Variants in SLC1A6 observed in about 807,000 individuals in gnomAD.
The protein encoded by SLC1A6 is excitatory amino acid transporter 4.
In SLC1A6, 15 loss-of-function variants were observed where a neutral mutation model predicts 42.1. The ratio of observed to expected loss-of-function variants is 0.36; its 90% confidence interval spans 0.24 to 0.55. SLC1A6 has a LOEUF of 0.55. SLC1A6 is among the 20% of genes least tolerant of loss of function. The pLI, the probability that SLC1A6 is intolerant of heterozygous loss-of-function variation, is 0.88. For missense variants in SLC1A6, 542 were observed against 772.5 expected (o/e 0.70, Z 3.54); for synonymous variants, 317 against 319.7 (o/e 0.99, Z 0.09).
At chr19:15,005,684 T>TA (rs1185208671) in intron 1 of SLC1A6, among the ~76,000 whole-genome samples, 2 of 152,200 alleles carry the variant, frequency 1.3e-5, no homozygotes, top group Non-Finnish European at 2.9e-5. Context: ...TTGGTCTGAT[T>TA]AAGCAATGGT....
chr19:14,965,212 G>C (rs2045560568), intron 4 of SLC1A6, among the ~76,000 whole-genome samples: 1 of 151,918 alleles, frequency 6.6e-6, no homozygotes, highest in African/African-American at 2.4e-5. Context: ...GTAGAGACAG[G>C]GTTTCACCAT....
chr19:14,994,130 G>A (rs1041837113), intron 1 of SLC1A6, among the ~76,000 whole-genome samples: 2 of 152,146 alleles, frequency 1.3e-5, no homozygotes, highest in Non-Finnish European at 2.9e-5. Flanking sequence ...CTCCAGGGAT[G>A]TTCTCCATCT....
At chr19:14,983,493 C>T (rs1392167253), upstream of SLC1A6, among the ~76,000 whole-genome samples, 1 of 151,788 alleles carries the variant, frequency 6.6e-6, no homozygotes, top group Non-Finnish European at 1.5e-5. Flanking sequence ...TGAGACCAGC[C>T]TGAGCAACAT....
intron 1 of SLC1A6, among the ~76,000 whole-genome samples, chr19:14,998,284 T>C (rs1330740642): frequency 2.0e-5 from 3 of 152,160 alleles, no homozygotes; most frequent in Non-Finnish European, 2.9e-5. Context: ...CTCACCCCTG[T>C]AATCCCAGCA....
At chr19:14,976,461 T>C (rs1291639524) in intron 1 of SLC1A6, among the ~76,000 whole-genome samples, 2 of 152,244 alleles carry the variant, frequency 1.3e-5, no homozygotes, top group Non-Finnish European at 2.9e-5. Flanking sequence ...AAAGTGTCTT[T>C]TACAGCAACA....
At chr19:14,968,555 C>T in intron 3 of SLC1A6, 48 bp from the exon 4 acceptor site, 1 of 1,483,392 alleles carries the variant, frequency 6.7e-7, no homozygotes, top group South Asian at 1.2e-5. Context: ...ATACCCAACG[C>T]CAGCTCTCCT....
chr19:14,983,568 G>A (rs2045778282), upstream of SLC1A6, among the ~76,000 whole-genome samples: 1 of 151,780 alleles, frequency 6.6e-6, no homozygotes, highest in South Asian at 2.1e-4. Flanking sequence ...CGTGCCTGTG[G>A]TCCCAGCTAC....
intron 1 of SLC1A6, among the ~76,000 whole-genome samples, chr19:14,991,639 C>G (rs1436345151): frequency 1.4e-5 from 2 of 143,158 alleles, no homozygotes; most frequent in Non-Finnish European, 3.1e-5. Flanking sequence ...AAAAAAAAGA[C>G]AATTTTACAT....
intron 1 of SLC1A6, among the ~76,000 whole-genome samples, chr19:14,985,832 G>A (rs1328717478): frequency 6.6e-6 from 1 of 152,056 alleles, no homozygotes; most frequent in African/African-American, 2.4e-5. Context: ...GCATGGTGGT[G>A]CATACCACTC....
intron 6 of SLC1A6, among the ~76,000 whole-genome samples, chr19:14,959,344 A>T (rs1249591879): frequency 1.3e-5 from 2 of 152,250 alleles, no homozygotes; most frequent in African/African-American, 4.8e-5. Context: ...GCTCCAGCCA[A>T]TGGAGACAGA....
Position 14,979,010 on chromosome 19 carries a change from C to A in SLC1A6, c.-8+299G>T, listed in dbSNP as rs113043703. 5.0e-4 allele frequency among the ~76,000 whole-genome samples: 73 copies of A among 147,192 alleles called. No homozygotes were observed. The highest frequency in any genetic ancestry group is 1.7e-3 in the African/African-American group (70 of 40,026). On this transcript the variant is annotated intron_variant, in intron 1 of 9. Transcript: ENST00000594383. The surrounding 1 kb of genome is among the most constrained non-coding windows in gnomAD (Gnocchi z 4.2). ...TTCAGCTCCACACACCTGTTCAGGACGGCGATCCCACTCACAAATTCAGTC... is the reference window on the plus strand; with the variant it reads ...TTCAGCTCCACACACCTGTTCAGGAAGGCGATCCCACTCACAAATTCAGTC...
chr19:14,989,614 C>T (rs1358001046), intron 1 of SLC1A6, among the ~76,000 whole-genome samples: 1 of 151,990 alleles, frequency 6.6e-6, no homozygotes, highest in Non-Finnish European at 1.5e-5. Flanking sequence ...GGAGAAAAGA[C>T]AACCCATGTG....
intron 9 of SLC1A6, among the ~76,000 whole-genome samples, chr19:14,951,467 G>C (rs946578877): frequency 1.1e-4 from 17 of 151,836 alleles, no homozygotes; most frequent in Admixed American, 1.1e-3. Context: ...GAAAGTCCAG[G>C]CTTCCTTTAA....
rs115350519 is a variant in SLC1A6, at chr19:14,962,151, G to T, written c.786C>A (p.Ser262=). Residue 262 remains serine (S), a synonymous_variant, in exon 6 of 10, where the codon TCC becomes TCA. Coordinates refer to ENST00000594383, the MANE Select transcript of SLC1A6 (RefSeq NM_005071.3). ...GGCCCAGGGCGTTGATGCCATTGGC[G>T]GAGCCAGGCACGGGTACAGTCTCCT... ...SFEETVPVPG[S]ANGINALGLV... 1 of 1,614,178 alleles carries T rather than the reference G, an allele frequency of 6.2e-7. No homozygotes were observed. Among genetic ancestry groups the T allele is most frequent in the Non-Finnish European group, 8.5e-7 (1 of 1,180,014 alleles).
At chr19:14,978,149 C>T (rs1006652380) in intron 1 of SLC1A6, 6 of 152,168 alleles carry the variant, frequency 3.9e-5, no homozygotes, top group African/African-American at 1.4e-4. Context: ...GAAAATGTCC[C>T]TTCTAGTGTT....
intron 1 of SLC1A6, among the ~76,000 whole-genome samples, chr19:15,005,054 T>A (rs146126465): frequency 0.014 from 2,153 of 151,648 alleles, 34 homozygotes; most frequent in Non-Finnish European, 0.019. Context: ...AGTCCAGGAG[T>A]TTGAGACTAG....
At position 15,004,850 on chromosome 19, in the gene SLC1A6, G is replaced by A. The variant is rs1431126038; in HGVS notation, c.6+5635C>T. 2.0e-5 allele frequency among the ~76,000 whole-genome samples: 3 copies of A among 152,118 alleles called. No homozygotes were observed. The East Asian group carries it at 5.8e-4, about 29-fold the overall frequency. ...GTACTGAAAAATTTTCCTAGTCCTCGGTCTTGTGTACATAATGTTTCTGTA... is the reference window on the plus strand; with the variant it reads ...GTACTGAAAAATTTTCCTAGTCCTCAGTCTTGTGTACATAATGTTTCTGTA... On this transcript the variant is annotated intron_variant, in intron 1 of 8. Coordinates refer to the SLC1A6 transcript ENST00000430939.
At chr19:14,987,937 C>A (rs967255633) in intron 1 of SLC1A6, among the ~76,000 whole-genome samples, 2 of 152,176 alleles carry the variant, frequency 1.3e-5, no homozygotes, top group African/African-American at 4.8e-5. Context: ...TAGTTTACTG[C>A]AGCTTTGAAT....
chr19:14,973,771 T>A (rs1037723401), intron 1 of SLC1A6: 1 of 152,296 alleles, frequency 6.6e-6, no homozygotes, highest in African/African-American at 2.4e-5. Context: ...CGGTTTTGTG[T>A]CCAGCCTGGA....
Sources: allele counts gnomAD v4.1 joint callset (sites outside exome capture counted in the v4.1 genomes callset), GRCh38; gene constraint gnomAD v4.1.1; non-coding constraint Gnocchi (gnomAD v3.1); transcripts MANE v1.5; gene names NCBI Gene and HGNC (gene_info 2026-07-23, HGNC 2026-07-21).